SMC6: variants seen among roughly 807,000 people sequenced by gnomAD.
The protein encoded by SMC6 is structural maintenance of chromosomes protein 6.
SMC6 carries 79 observed loss-of-function variants against 142.2 expected under a neutral mutation model. The observed-to-expected ratio is 0.56, with a 90% CI of 0.46 to 0.67. SMC6 has a LOEUF of 0.67. SMC6 is among the 30% of genes least tolerant of loss of function. SMC6 has a pLI of 0.00. For missense variants in SMC6, 1,072 were observed against 1,284.0 expected, an observed-to-expected ratio of 0.83 and a Z score of 2.52; for synonymous variants, 411 against 412.4, an observed-to-expected ratio of 1.00 and a Z score of 0.04.
chr2:17,685,892 C>CTA (rs970815059), intron 23 of SMC6, among the ~76,000 whole-genome samples: 81 of 150,270 alleles, frequency 5.4e-4, no homozygotes, highest in Middle Eastern at 3.4e-3. Flanking sequence ...CCATATATAT[C>CTA]TATATATATA....
rs1667990276 is a variant in SMC6 at position 17,696,443 on chromosome 2, A to G, written c.2395-17T>C. On this transcript the variant is annotated splice_polypyrimidine_tract_variant and intron_variant, in intron 21 of 27. Coordinates refer to ENST00000448223, the MANE Select transcript of SMC6 (RefSeq NM_001142286.2). ...TAATTCATCCTGTTTGAACAAAGCC[A>G]GAATAAAAGATTGTTTTAAAAAAAT... 6.3e-6 allele frequency: 10 copies of G among 1,593,256 alleles called. No individual in the cohort carries two copies. Among genetic ancestry groups the G allele is most frequent in the Non-Finnish European group, 7.7e-6 (9 of 1,175,416 alleles).
intron 19 of SMC6, among the ~76,000 whole-genome samples, chr2:17,702,871 A>G (rs1668337924): frequency 6.6e-6 from 1 of 151,590 alleles, no homozygotes; most frequent in South Asian, 2.1e-4. Context: ...AGTCCATTAA[A>G]CCTCTTTTTC....
intron 16 of SMC6, among the ~76,000 whole-genome samples, chr2:17,711,079 T>G (rs897202735): frequency 6.6e-6 from 1 of 152,138 alleles, no homozygotes; most frequent in Non-Finnish European, 1.5e-5. Context: ...TGGTGAAATG[T>G]AGACTCTCGC....
intron 14 of SMC6, 63 bp downstream of exon 14, chr2:17,716,678 A>G (rs1669102561): frequency 1.3e-6 from 2 of 1,497,938 alleles, no homozygotes; most frequent in South Asian, 1.3e-5. Flanking sequence ...TCTTCATACA[A>G]GAACAAAACT....
At chr2:17,716,707 T>C in intron 14 of SMC6, 34 bp downstream of exon 14, 1 of 1,589,486 alleles carries the variant, frequency 6.3e-7, no homozygotes, top group Non-Finnish European at 8.5e-7. Context: ...TAAAAGTAAT[T>C]GAAAAAAATC....
At chr2:17,743,589 TATC>T (rs1263045389) in intron 3 of SMC6, among the ~76,000 whole-genome samples, 1 of 152,262 alleles carries the variant, frequency 6.6e-6, no homozygotes, top group Non-Finnish European at 1.5e-5. Context: ...CACACTAACA[TATC>T]ATTATCAACC....
Position 17,665,303 on chromosome 2 carries a change from A to G in SMC6, c.*196T>C. ...AATACTATGAAATTGATTTTCTTAA[A>G]GTAATAGTAATCTTAAATTGCAGGT... On this transcript the variant is annotated 3_prime_UTR_variant, in exon 28 of 28. Coordinates refer to ENST00000448223, the MANE Select transcript of SMC6 (RefSeq NM_001142286.2). 1 of 375,578 alleles carries G rather than the reference A, an allele frequency of 2.7e-6. No homozygotes were observed. 23.3% of individuals were successfully genotyped at this position (375,578 alleles called of 1,614,324 possible). A position where few individuals can be genotyped will look rare whatever the true frequency, so the allele number is the denominator to read the frequency against.
Position 17,718,070 on chromosome 2 carries a change from A to T in SMC6, c.1092+7T>A. On this transcript the variant is annotated splice_region_variant and intron_variant, in intron 12 of 27. Coordinates refer to ENST00000448223, the MANE Select transcript of SMC6 (RefSeq NM_001142286.2). ...TTTAAAATTCCAGTTTAGAAAATTT[A>T]TCTCACCTCAGCTTCATTATAGGCC... 12 of 1,533,634 alleles carry T rather than the reference A, an allele frequency of 7.8e-6. No individual in the cohort carries two copies. Among genetic ancestry groups the T allele is most frequent in the Admixed American group, 3.6e-5 (2 of 55,000 alleles).
Position 17,701,891 on chromosome 2 carries a change from T to C in SMC6, c.2161A>G (p.Ile721Val). ...KELKMKIRKNISEIRELENIE... is the reference protein window; with the variant it reads ...KELKMKIRKNVSEIRELENIE... ...TTCTCAAGTTCCCGAATTTCAGAAA[T>C]ATTTTTTCTTATTTTCATCTAAAAG... The change falls in exon 20 of 28, where the codon ATT becomes GTT. Residue 721 changes from isoleucine (I) to valine (V), a missense_variant. Physicochemically the swap from Ile to Val is conservative, Grantham distance 29 (BLOSUM62 3). Coordinates refer to ENST00000448223, the MANE Select transcript of SMC6 (RefSeq NM_001142286.2). 1 of 1,559,084 alleles carries C rather than the reference T, an allele frequency of 6.4e-7. No individual in the cohort carries two copies. Among genetic ancestry groups the C allele is most frequent in the Non-Finnish European group, 8.7e-7 (1 of 1,143,684 alleles).
intron 25 of SMC6, among the ~76,000 whole-genome samples, chr2:17,672,876 T>C (rs1666830106): frequency 6.6e-6 from 1 of 152,214 alleles, no homozygotes; most frequent in Non-Finnish European, 1.5e-5. Context: ...TGGGCTATGA[T>C]AAATAAAACT....
intron 21 of SMC6, among the ~76,000 whole-genome samples, chr2:17,697,587 A>G (rs2124924000): frequency 6.6e-6 from 1 of 152,236 alleles, no homozygotes; most frequent in South Asian, 2.1e-4. Flanking sequence ...GCCAATAAGA[A>G]CATGAAAACT....
In SMC6 at chr2:17,676,249, T is replaced by C. The variant is rs190339340; in HGVS notation, c.2910+2610A>G. ...CTATGTTGAAACTCTGGATCTGTTT[T>C]GTCCATTTTGTTTATGATTAACTCT... is the stretch of plus-strand genomic sequence containing the variant. On this transcript the variant is annotated intron_variant, in intron 25 of 27. Transcript: ENST00000448223. Among the ~76,000 whole-genome samples the C allele has an allele frequency of 1.3e-3, 202 of 152,304 alleles. 2 individuals are homozygous for C. Among genetic ancestry groups the C allele is most frequent in the Admixed American group, 3.1e-3 (48 of 15,296 alleles).
intron 16 of SMC6, among the ~76,000 whole-genome samples, chr2:17,710,890 G>C (rs1469808138): frequency 6.6e-6 from 1 of 152,172 alleles, no homozygotes; most frequent in East Asian, 1.9e-4. Context: ...GCAGAGAAAA[G>C]TGACAGTAGC....
chr2:17,678,887 T>A lies in SMC6; in HGVS notation c.2882A>T (p.Asp961Val). ...QRAYCGKMNF[D>V]HKNETLSISV... Reference sequence around the variant, plus strand: ...TATACTTAGAGTTTCATTCTTGTGGTCAAAATTCATTTTTCCACAATAGGC... The same window carrying A: ...TATACTTAGAGTTTCATTCTTGTGGACAAAATTCATTTTTCCACAATAGGC... Residue 961 changes from aspartate to valine, a missense_variant, in exon 25 of 28, where the codon GAC becomes GTC. By Grantham distance (152) the Asp-to-Val change is radical. This residue lies in a region of SMC6 where 994 missense variants were observed against 1,153.2 expected (regional missense o/e 0.86). Transcript: ENST00000448223. 1 of 1,611,516 alleles carries A rather than the reference T, an allele frequency of 6.2e-7. No homozygotes were observed. The highest frequency in any genetic ancestry group is 8.5e-7 in the Non-Finnish European group (1 of 1,178,500).
At chr2:17,668,968 C>T (rs1286124237) in intron 26 of SMC6, among the ~76,000 whole-genome samples, 3 of 151,938 alleles carry the variant, frequency 2.0e-5, no homozygotes, top group Non-Finnish European at 2.9e-5. Flanking sequence ...GAGGACGGAC[C>T]GAAGAAGGAG....
intron 20 of SMC6, among the ~76,000 whole-genome samples, chr2:17,701,356 C>T (rs1050857441): frequency 2.0e-5 from 3 of 150,786 alleles, no homozygotes; most frequent in Non-Finnish European, 4.4e-5. Context: ...AACAGATTCC[C>T]GAAAAAAAGA....
rs781526851 is a variant in SMC6 at position 17,665,482 on chromosome 2, G to C, written c.*17C>G. On this transcript the variant is annotated 3_prime_UTR_variant, in exon 28 of 28. Transcript: ENST00000448223. Reference sequence around the variant, plus strand: ...ACAAATCCTTCAACATCAGGACAAGGCATGTTAAGTTACAAATCACCTTTG... The same window carrying C: ...ACAAATCCTTCAACATCAGGACAAGCCATGTTAAGTTACAAATCACCTTTG... The C allele has an allele frequency of 5.8e-6, 9 of 1,559,222 alleles. No homozygotes were observed. The South Asian group carries it at 1.0e-4, about 18-fold the overall frequency.
intron 2 of SMC6, among the ~76,000 whole-genome samples, chr2:17,749,230 A>C (rs771780100): frequency 1.3e-5 from 2 of 152,182 alleles, no homozygotes; most frequent in Non-Finnish European, 2.9e-5. Flanking sequence ...AGGAGAAAAA[A>C]GCCTCCTCTG....
chr2:17,721,424 C>G (rs1244931857), intron 9 of SMC6, among the ~76,000 whole-genome samples, 163 bp from the exon 10 acceptor site: 1 of 152,048 alleles, frequency 6.6e-6, no homozygotes, highest in Non-Finnish European at 1.5e-5. Flanking sequence ...CTTTGGTATA[C>G]TTTTAGTAAG....
Sources: gnomAD v4.1 joint callset for allele counts (sites outside exome capture counted in the v4.1 genomes callset) on GRCh38, gnomAD v4.1.1 for gene constraint, gnomAD v4.1.1 regional missense constraint, MANE v1.5 for transcripts, NCBI Gene and HGNC (gene_info 2026-07-23, HGNC 2026-07-21) for gene names.